Variants in CSMD1 observed in about 807,000 individuals in gnomAD.
The protein encoded by CSMD1 is CUB and sushi domain-containing protein 1.
CSMD1 carries 213 observed loss-of-function variants against 417.5 expected under a neutral mutation model. That is an observed-to-expected ratio of 0.51 (90% CI 0.46 to 0.57). The LOEUF (loss-of-function observed/expected upper bound fraction) is 0.57. Among genes scored for constraint, CSMD1 ranks in the 20% least tolerant of loss-of-function variants. The pLI, the probability that CSMD1 is intolerant of heterozygous loss-of-function variation, is 0.00. For missense variants in CSMD1, 6,923 were observed against 4,529.7 expected (o/e 1.53, Z -15.17); for synonymous variants, 2,862 against 1,736.8 (o/e 1.65, Z -16.11).
intron 2 of CSMD1, among the ~76,000 whole-genome samples, chr8:4,440,988 C>T (rs1188294518): frequency 7.2e-6 from 1 of 138,626 alleles, no homozygotes; most frequent in South Asian, 2.3e-4. Context: ...CACAGTGAGA[C>T]TCTATCTCAA....
chr8:4,643,841 T>G (rs533237144), intron 1 of CSMD1, among the ~76,000 whole-genome samples: 19 of 152,280 alleles, frequency 1.2e-4, no homozygotes, highest in African/African-American at 4.6e-4. Flanking sequence ...GGACTTCGAT[T>G]AAGGGTTTTC....
intron 7 of CSMD1, among the ~76,000 whole-genome samples, chr8:3,644,958 C>A (rs1230889477): frequency 2.6e-5 from 2 of 77,428 alleles, no homozygotes; most frequent in African/African-American, 1.7e-4. Context: ...ATCACTAAGG[C>A]TTTAAATGAA....
At chr8:3,545,829 T>C (rs947242174) in intron 10 of CSMD1, among the ~76,000 whole-genome samples, 6 of 152,248 alleles carry the variant, frequency 3.9e-5, no homozygotes, top group African/African-American at 1.4e-4. Context: ...AGTTATTTAG[T>C]AGCAGAGTCT....
At chr8:4,949,366 G>C (rs1808582290) in intron 1 of CSMD1, among the ~76,000 whole-genome samples, 1 of 152,104 alleles carries the variant, frequency 6.6e-6, no homozygotes. Flanking sequence ...GTAAATGTTT[G>C]TGTAAAATTG....
rs142703623 is a variant in CSMD1 at position 4,216,981 on chromosome 8, G to T, written c.416-184882C>A. ...TGGCTGTCCTAGGATAGGTCCCCAC[G>T]GTTAAGACTTCTCTAACTAGAATTG... On this transcript the variant is annotated intron_variant, in intron 3 of 69. Transcript: ENST00000635120. Among the ~76,000 whole-genome samples the T allele has an allele frequency of 1.2e-4, 19 of 152,218 alleles. No homozygotes were observed. In the East Asian group the frequency reaches 3.7e-3, roughly 29 times the overall value.
chr8:4,598,905 A>G (rs1457917565), intron 2 of CSMD1, among the ~76,000 whole-genome samples: 3 of 151,560 alleles, frequency 2.0e-5, no homozygotes, highest in African/African-American at 7.2e-5. Context: ...TCCTAGAGTC[A>G]GTGAAGATCT....
chr8:4,946,541 A>G (rs559752998), intron 1 of CSMD1, among the ~76,000 whole-genome samples: 1 of 152,294 alleles, frequency 6.6e-6, no homozygotes, highest in South Asian at 2.1e-4. Flanking sequence ...GGCCTGAAGC[A>G]TGTCCTTATG....
intron 1 of CSMD1, among the ~76,000 whole-genome samples, chr8:4,763,462 C>G (rs561174259): frequency 6.6e-6 from 1 of 152,246 alleles, no homozygotes; most frequent in South Asian, 2.1e-4. Context: ...ATAATAGTGA[C>G]ATGATGAGAG....
intron 3 of CSMD1, among the ~76,000 whole-genome samples, chr8:4,367,510 T>C (rs1802148955): frequency 6.6e-6 from 1 of 152,172 alleles, no homozygotes. Context: ...CCAGCTTTGT[T>C]CCTTTTGCTC....
At chr8:3,670,323 A>C (rs73181198) in intron 7 of CSMD1, among the ~76,000 whole-genome samples, 1 of 151,864 alleles carries the variant, frequency 6.6e-6, no homozygotes, top group East Asian at 1.9e-4. Context: ...CTCCAGCATC[A>C]GACTCCAAGT....
At chr8:3,570,783 C>A (rs573578606) in intron 10 of CSMD1, among the ~76,000 whole-genome samples, 1 of 152,116 alleles carries the variant, frequency 6.6e-6, no homozygotes, top group South Asian at 2.1e-4. Context: ...AGCAAGCAAG[C>A]TAATAAAGCG....
At chr8:3,572,641 T>C (rs1799991310) in intron 10 of CSMD1, among the ~76,000 whole-genome samples, 1 of 152,244 alleles carries the variant, frequency 6.6e-6, no homozygotes, top group Non-Finnish European at 1.5e-5. Context: ...GAAGAGTTCC[T>C]TCTGCCTCTC....
intron 5 of CSMD1, among the ~76,000 whole-genome samples, chr8:3,894,735 G>C (rs1694183544): frequency 6.6e-6 from 1 of 152,132 alleles, no homozygotes; most frequent in Non-Finnish European, 1.5e-5. Context: ...TGATTAACTA[G>C]AATTACTAAG....
intron 5 of CSMD1, among the ~76,000 whole-genome samples, chr8:3,755,170 G>C (rs774335538): frequency 2.6e-5 from 4 of 152,178 alleles, no homozygotes; most frequent in East Asian, 1.9e-4. Flanking sequence ...GACACATTTA[G>C]TTTTTCAGTG....
rs552992095 is a variant in CSMD1, at chr8:3,154,428, G to C, written c.5915-2915C>G. On this transcript the variant is annotated intron_variant, in intron 39 of 69. Coordinates refer to ENST00000635120, the MANE Select transcript of CSMD1 (RefSeq NM_033225.6). ...TTCTTATAGGTAAATAGCATATTTA[G>C]AGTTATTGGTAAATGTGGTTTTTGT... 1.1e-4 allele frequency among the ~76,000 whole-genome samples: 17 copies of C among 152,338 alleles called. No individual in the cohort carries two copies. In the South Asian group the frequency reaches 2.5e-3, roughly 22 times the overall value.
intron 1 of CSMD1, among the ~76,000 whole-genome samples, chr8:4,741,839 T>C (rs958615561): frequency 6.6e-6 from 1 of 151,788 alleles, no homozygotes; most frequent in Non-Finnish European, 1.5e-5. Context: ...GTTTGGGTGT[T>C]ATCCTTGTTT....
At chr8:4,646,743 G>C (rs188380020) in intron 1 of CSMD1, among the ~76,000 whole-genome samples, 36 of 152,244 alleles carry the variant, frequency 2.4e-4, no homozygotes, top group Admixed American at 3.3e-4. Flanking sequence ...ATGTTAAAAA[G>C]TCATACTAAA....
chr8:4,636,058 T>G (rs2724972), intron 2 of CSMD1, among the ~76,000 whole-genome samples: 69,707 of 151,760 alleles, frequency 0.46, 16,598 homozygotes, highest in Non-Finnish European at 0.53. Flanking sequence ...TAGCATATAT[T>G]GACATATTAT....
intron 19 of CSMD1, among the ~76,000 whole-genome samples, chr8:3,368,724 T>A (rs148339705): frequency 2.1e-4 from 32 of 152,202 alleles, no homozygotes; most frequent in Non-Finnish European, 3.5e-4. Context: ...TAATCTACAT[T>A]TCCTGCACAA....
Sources: gnomAD v4.1 joint callset for allele counts (sites outside exome capture counted in the v4.1 genomes callset) on GRCh38, gnomAD v4.1.1 for gene constraint, MANE v1.5 for transcripts, NCBI Gene and HGNC (gene_info 2026-07-23, HGNC 2026-07-21) for gene names.